Variants in CTNNA3 observed in about 807,000 individuals in gnomAD.
CTNNA3 encodes catenin alpha-3.
CTNNA3 carries 76 observed loss-of-function variants against 95.7 expected under a neutral mutation model. That is an observed-to-expected ratio of 0.79 (90% CI 0.66 to 0.96). The LOEUF (loss-of-function observed/expected upper bound fraction) is 0.96, where lower values mean the gene tolerates loss of function less well. CTNNA3 is among the 40% of genes least tolerant of loss of function. CTNNA3 has a pLI of 0.00. For missense variants in CTNNA3, 1,191 were observed against 1,089.8 expected (o/e 1.09, Z -1.31); for synonymous variants, 431 against 374.4 (o/e 1.15, Z -1.74).
chr10:67,094,760 G>A (rs1857865953), intron 7 of CTNNA3, among the ~76,000 whole-genome samples: 1 of 151,584 alleles, frequency 6.6e-6, no homozygotes. Context: ...AATTGTCAGT[G>A]CAAAATATTC....
At position 67,373,321 on chromosome 10, in the gene CTNNA3, A is replaced by C. The variant is rs546502423; in HGVS notation, c.579+148521T>G. Among the ~76,000 whole-genome samples, 8 of 152,346 alleles carry C rather than the reference A, an allele frequency of 5.3e-5. No individual in the cohort carries two copies. In the South Asian group the frequency reaches 1.7e-3, roughly 32 times the overall value. ...AAAACAAAAAAAAGGCAGGGATTGC[A>C]ATCTTAGTCTCTGATAAAACAGACT... On this transcript the variant is annotated intron_variant, in intron 5 of 17. Coordinates refer to ENST00000433211, the MANE Select transcript of CTNNA3 (RefSeq NM_013266.4).
At chr10:66,385,624 C>A (rs1478239983) in intron 11 of CTNNA3, among the ~76,000 whole-genome samples, 3 of 152,040 alleles carry the variant, frequency 2.0e-5, no homozygotes, top group African/African-American at 7.2e-5. Flanking sequence ...CAAAGCCTGG[C>A]AGAGACACAA....
chr10:65,981,265 A>G (rs1441002845), intron 16 of CTNNA3, among the ~76,000 whole-genome samples: 1 of 152,084 alleles, frequency 6.6e-6, no homozygotes, highest in Non-Finnish European at 1.5e-5. Context: ...AAAGAAAAAT[A>G]AAATACTTAG....
At chr10:67,169,913 T>C (rs1434869262) in intron 7 of CTNNA3, among the ~76,000 whole-genome samples, 1 of 152,076 alleles carries the variant, frequency 6.6e-6, no homozygotes, top group African/African-American at 2.4e-5. Flanking sequence ...TATAAGAGAC[T>C]TAAACAAATT....
chr10:65,943,126 T>G (rs544938987), intron 17 of CTNNA3, among the ~76,000 whole-genome samples: 109 of 151,508 alleles, frequency 7.2e-4, no homozygotes, highest in African/African-American at 2.2e-3. Context: ...AGCAGTGGCG[T>G]GATCTCGGCT....
intron 5 of CTNNA3, among the ~76,000 whole-genome samples, chr10:67,457,850 T>G (rs1033761755): frequency 2.0e-5 from 3 of 152,130 alleles, no homozygotes; most frequent in African/African-American, 7.2e-5. Context: ...TGTTTAAAGA[T>G]CCTTGTGATT....
intron 7 of CTNNA3, among the ~76,000 whole-genome samples, chr10:67,020,199 A>G (rs28756035): frequency 0.034 from 5,203 of 152,276 alleles, 318 homozygotes; most frequent in African/African-American, 0.12. Context: ...GAGCCACCTC[A>G]ATCTAAGCCA....
chr10:66,213,585 G>A (rs201700176), intron 13 of CTNNA3, among the ~76,000 whole-genome samples: 1 of 152,098 alleles, frequency 6.6e-6, no homozygotes, highest in East Asian at 1.9e-4. Context: ...CTAATGAGAA[G>A]AAATATTGAA....
At position 66,074,837 on chromosome 10, in the gene CTNNA3, AT is replaced by A. The variant is rs576238987; in HGVS notation, c.1978-5349del. Reference sequence around the variant, plus strand: ...TTTTTCATTTGTACTTTTTAGATGTATTTTTTTCTCCTTCCCCTAGAAAATA... The same window carrying A: ...TTTTTCATTTGTACTTTTTAGATGTATTTTTTCTCCTTCCCCTAGAAAATA... On this transcript the variant is annotated intron_variant, in intron 14 of 17. Transcript: ENST00000433211. 2.6e-3 allele frequency among the ~76,000 whole-genome samples: 401 copies of A among 151,804 alleles called. 6 individuals carry two copies. The highest frequency in any genetic ancestry group is 9.2e-3 in the African/African-American group (382 of 41,494).
At chr10:66,219,234 G>T (rs1350922406) in intron 13 of CTNNA3, among the ~76,000 whole-genome samples, 2 of 152,084 alleles carry the variant, frequency 1.3e-5, no homozygotes, top group Non-Finnish European at 2.9e-5. Context: ...GGGGTGGGTG[G>T]CGAGGGGCCT....
intron 1 of CTNNA3, among the ~76,000 whole-genome samples, chr10:67,668,453 G>A (rs1840370560): frequency 6.6e-6 from 1 of 152,058 alleles, no homozygotes; most frequent in South Asian, 2.1e-4. Flanking sequence ...CTATGATAAA[G>A]TTTAATTTAT....
At chr10:67,082,907 A>C (rs1170751691) in intron 7 of CTNNA3, among the ~76,000 whole-genome samples, 1 of 152,084 alleles carries the variant, frequency 6.6e-6, no homozygotes, top group Non-Finnish European at 1.5e-5. Flanking sequence ...GAAGCCACCC[A>C]CCTCCTATAT....
intron 17 of CTNNA3, among the ~76,000 whole-genome samples, chr10:65,934,914 T>A (rs1046848350): frequency 2.0e-5 from 3 of 152,038 alleles, no homozygotes; most frequent in Non-Finnish European, 2.9e-5. Flanking sequence ...ATACTGGGGC[T>A]TAGTAGTGCA....
At chr10:66,931,749 G>T (rs1285146279) in intron 7 of CTNNA3, among the ~76,000 whole-genome samples, 1 of 152,062 alleles carries the variant, frequency 6.6e-6, no homozygotes, top group Non-Finnish European at 1.5e-5. Flanking sequence ...TTATAGTAAT[G>T]CTGGAACAGA....
rs576377960 is a variant in CTNNA3, at chr10:67,101,108, A to G, written c.1047+79209T>C. On this transcript the variant is annotated intron_variant, in intron 7 of 17. Coordinates refer to ENST00000433211, the MANE Select transcript of CTNNA3 (RefSeq NM_013266.4). ...CTGTTCAAAAAGTTTAACAAGTCAC[A>G]TATTTCTTAACATACAAGTTCGTTT... Among the ~76,000 whole-genome samples the G allele has an allele frequency of 6.2e-4, 94 of 151,884 alleles. 1 individual carries two copies. The highest frequency in any genetic ancestry group is 2.0e-3 in the African/African-American group (85 of 41,516).
At chr10:66,695,596 T>C (rs1026758506) in intron 9 of CTNNA3, among the ~76,000 whole-genome samples, 5 of 152,156 alleles carry the variant, frequency 3.3e-5, no homozygotes, top group South Asian at 2.1e-4. Context: ...TAGTAGTTGG[T>C]TGAAAATTGT....
At chr10:67,681,142 G>A (rs559508734) in intron 1 of CTNNA3, among the ~76,000 whole-genome samples, 19 of 152,278 alleles carry the variant, frequency 1.2e-4, no homozygotes, top group Admixed American at 1.1e-3. Context: ...CCTGTTAAAT[G>A]TCCACAGACC....
At chr10:66,537,130 C>T (rs1025256811) in intron 10 of CTNNA3, among the ~76,000 whole-genome samples, 1 of 151,824 alleles carries the variant, frequency 6.6e-6, no homozygotes, top group Non-Finnish European at 1.5e-5. Flanking sequence ...TTTCTGTCCT[C>T]TTTCCAAATA....
At chr10:66,884,484 G>A (rs899962423) in intron 7 of CTNNA3, among the ~76,000 whole-genome samples, 1 of 152,046 alleles carries the variant, frequency 6.6e-6, no homozygotes, top group African/African-American at 2.4e-5. Context: ...CAAACCCCAT[G>A]GGGAGACCCA....
Sources: gnomAD v4.1 joint callset for allele counts (sites outside exome capture counted in the v4.1 genomes callset) on GRCh38, gnomAD v4.1.1 for gene constraint, MANE v1.5 for transcripts, NCBI Gene and HGNC (gene_info 2026-07-23, HGNC 2026-07-21) for gene names.